The following TIA1 variants were observed in gnomAD, a reference collection of about 807,000 sequenced individuals.
The protein encoded by TIA1 is cytotoxic granule associated RNA binding protein TIA1.
Under a neutral mutation model 65.9 loss-of-function variants are expected in TIA1, and 23 were observed. The observed-to-expected ratio is 0.35, with a 90% CI of 0.25 to 0.49. The LOEUF (loss-of-function observed/expected upper bound fraction) is 0.49. Among genes scored for constraint, TIA1 ranks in the 20% least tolerant of loss-of-function variants. The probability of loss-of-function intolerance (pLI) is 0.98; values close to 1 mark genes in which losing one functional copy is unlikely to be tolerated. For synonymous variants in TIA1, 147 were observed against 149.4 expected, an observed-to-expected ratio of 0.98 and a Z score of 0.12; for missense variants, 371 against 477.9, an observed-to-expected ratio of 0.78 and a Z score of 2.09.
chr2:70,241,227 G>T (rs1691548316), intron 1 of TIA1, among the ~76,000 whole-genome samples: 2 of 151,894 alleles, frequency 1.3e-5, no homozygotes, highest in African/African-American at 4.8e-5. Context: ...CGGATCACAG[G>T]TCAGGAGATC....
intron 7 of TIA1, among the ~76,000 whole-genome samples, chr2:70,219,243 G>A (rs1308589628): frequency 7.4e-6 from 1 of 134,308 alleles, no homozygotes; most frequent in South Asian, 2.2e-4. Flanking sequence ...TGACTAGGGA[G>A]GAGTAGCCAG....
intron 2 of TIA1, among the ~76,000 whole-genome samples, chr2:70,233,523 C>T (rs576650572): frequency 2.5e-4 from 38 of 152,098 alleles, no homozygotes; most frequent in Non-Finnish European, 4.3e-4. Context: ...AATCCCAGCA[C>T]TTTGGGAAGC....
At chr2:70,244,651 C>T (rs773266413) in intron 1 of TIA1, among the ~76,000 whole-genome samples, 10 of 151,772 alleles carry the variant, frequency 6.6e-5, no homozygotes, top group Admixed American at 4.6e-4. Context: ...CTGGCTAACA[C>T]GGTGAAACTG....
At chr2:70,224,164 C>T (rs150781998) in intron 7 of TIA1, among the ~76,000 whole-genome samples, 1,763 of 152,230 alleles carry the variant, frequency 0.012, 40 homozygotes, top group African/African-American at 0.04. Context: ...GTGATCCACC[C>T]GCCTCAGCCT....
In TIA1 at chr2:70,224,699, C is replaced by T. The variant is rs569915213; in HGVS notation, c.399-70G>A. On this transcript the variant is annotated intron_variant, in intron 6 of 12. Coordinates refer to ENST00000433529, the MANE Select transcript of TIA1 (RefSeq NM_022173.4). The stretch of plus-strand genomic sequence containing the variant: ...CTGGATATCAAATAAGAATTTCACA[C>T]ACAACTCATTCTCATGTTTCACCTT... The T allele has an allele frequency of 5.7e-6, 9 of 1,576,710 alleles. No individual in the cohort carries two copies. The African/African-American group carries it at 9.5e-5, about 17-fold the overall frequency.
intron 7 of TIA1, 33 bp downstream of exon 7, chr2:70,224,521 A>C (rs774295020): frequency 1.2e-6 from 2 of 1,613,552 alleles, no homozygotes; most frequent in South Asian, 1.1e-5. Flanking sequence ...TTTACTCTTT[A>C]AGCATTATCC....
rs1220180976 is a variant in TIA1, at chr2:70,210,232, T to C, written c.*2487A>G. The C allele has an allele frequency of 6.6e-6, 1 of 152,424 alleles. No homozygotes were observed. Among genetic ancestry groups the C allele is most frequent in the East Asian group, 1.9e-4 (1 of 5,198 alleles). 9.4% of individuals were successfully genotyped at this position (152,424 alleles called of 1,614,324 possible). On this transcript the variant is annotated 3_prime_UTR_variant, in exon 13 of 13. Coordinates refer to ENST00000433529, the MANE Select transcript of TIA1 (RefSeq NM_022173.4). The stretch of plus-strand genomic sequence containing the variant: ...TAGAAAACATAAAGGAACTTTAATA[T>C]CCAAACATTCAGGGTAAAGAATACT...
At chr2:70,233,600 T>C (rs1687484243) in intron 2 of TIA1, among the ~76,000 whole-genome samples, 1 of 152,044 alleles carries the variant, frequency 6.6e-6, no homozygotes, top group African/African-American at 2.4e-5. Flanking sequence ...ACCCTGTCTC[T>C]ACTGAAAATA....
At chr2:70,234,106 CAG>C (rs771913149) in intron 2 of TIA1, among the ~76,000 whole-genome samples, 6 of 152,148 alleles carry the variant, frequency 3.9e-5, no homozygotes, top group South Asian at 2.1e-4. Flanking sequence ...TATGACCAGC[CAG>C]AGAGAGAGTA....
chr2:70,215,594 T>C lies in TIA1; in HGVS notation c.765-100A>G, dbSNP rs1165758579. On this transcript the variant is annotated intron_variant, in intron 10 of 12. Coordinates refer to ENST00000433529, the MANE Select transcript of TIA1 (RefSeq NM_022173.4). ...TCAAGGTGAGTCTGAGGTAAAACAG[T>C]TTGCGTAACATGGCATATTTTCTTT... is the stretch of plus-strand genomic sequence containing the variant. 1.3e-5 allele frequency: 14 copies of C among 1,073,862 alleles called. No homozygotes were observed. The East Asian group carries it at 3.2e-4, about 25-fold the overall frequency. The allele number at this position is 1,073,862 out of a possible 1,614,324, so 66.5% of individuals were successfully genotyped here.
At chr2:70,233,592 C>T (rs558225703) in intron 2 of TIA1, among the ~76,000 whole-genome samples, 3 of 151,566 alleles carry the variant, frequency 2.0e-5, no homozygotes, top group Non-Finnish European at 4.4e-5. Flanking sequence ...ATGGTGAAAC[C>T]CTGTCTCTAC....
At chr2:70,243,581 G>A (rs755554604) in intron 1 of TIA1, among the ~76,000 whole-genome samples, 3 of 152,106 alleles carry the variant, frequency 2.0e-5, no homozygotes, top group Non-Finnish European at 2.9e-5. Context: ...CTTACTAGTT[G>A]GGACCTCCTT....
intron 7 of TIA1, among the ~76,000 whole-genome samples, chr2:70,220,940 C>A (rs1463801705): frequency 6.6e-6 from 1 of 151,312 alleles, no homozygotes; most frequent in East Asian, 1.9e-4. Flanking sequence ...CCAAGGCGGG[C>A]GGACTGGTGG....
chr2:70,241,769 C>T (rs979251464), intron 1 of TIA1, among the ~76,000 whole-genome samples: 1 of 151,962 alleles, frequency 6.6e-6, no homozygotes, highest in Non-Finnish European at 1.5e-5. Flanking sequence ...GTGATATGCA[C>T]CGTCTCTACA....
chr2:70,214,202 T>G, intron 12 of TIA1, 147 bp downstream of exon 12: 1 of 894,486 alleles, frequency 1.1e-6, no homozygotes, highest in Non-Finnish European at 1.6e-6. Flanking sequence ...ATTTTCTTAC[T>G]AAAAAACAAT....
Position 70,230,858 on chromosome 2 carries a change from T to C in TIA1, c.124-4A>G. On this transcript the variant is annotated splice_polypyrimidine_tract_variant and splice_region_variant and intron_variant, in intron 2 of 12. Transcript: ENST00000433529. ...AATAGGGATCATTTCCAGCTGTCTG[T>C]GGGAGAAGAAACACAAAAGCCAATT... 6.3e-7 allele frequency: 1 copy of C among 1,597,572 alleles called. No individual in the cohort carries two copies.
chr2:70,233,736 A>T (rs1687564151), intron 2 of TIA1, among the ~76,000 whole-genome samples: 1 of 151,918 alleles, frequency 6.6e-6, no homozygotes. Flanking sequence ...ATTGCACTCC[A>T]GCCTGGGCAA....
rs1680607494 is a variant in TIA1 at position 70,220,133 on chromosome 2, G to A, written c.475-3139C>T. ...CCTCATAAGAAGTAAAGATCAGACT[G>A]GGCACGGTGGCTCACACTTATAATC... On this transcript the variant is annotated intron_variant, in intron 7 of 12. Coordinates refer to ENST00000433529, the MANE Select transcript of TIA1 (RefSeq NM_022173.4). Among the ~76,000 whole-genome samples, 3 of 152,084 alleles carry A rather than the reference G, an allele frequency of 2.0e-5. No homozygotes were observed. The South Asian group carries it at 6.2e-4, about 32-fold the overall frequency.
chr2:70,215,150 A>G, intron 11 of TIA1: 1 of 533,738 alleles, frequency 1.9e-6, no homozygotes, highest in Non-Finnish European at 3.2e-6. Flanking sequence ...GGAGCATTTT[A>G]AAATCCACTG....
Sources: gnomAD v4.1 joint callset for allele counts (sites outside exome capture counted in the v4.1 genomes callset) on GRCh38, gnomAD v4.1.1 for gene constraint, MANE v1.5 for transcripts, NCBI Gene and HGNC (gene_info 2026-07-23, HGNC 2026-07-21) for gene names.